PCDHGB7: variants seen among roughly 807,000 people sequenced by gnomAD.
The protein encoded by PCDHGB7 is protocadherin gamma-B7.
In PCDHGB7, 37 loss-of-function variants were observed where a neutral mutation model predicts 61.4. That is an observed-to-expected ratio of 0.60 (90% confidence interval 0.46 to 0.79). PCDHGB7 has a LOEUF of 0.79. PCDHGB7 is among the 30% of genes least tolerant of loss of function. The pLI is 0.00. For missense variants in PCDHGB7, 1,166 were observed against 1,202.5 expected (o/e 0.97, Z 0.45); for synonymous variants, 464 against 503.5 (o/e 0.92, Z 1.05).
chr5:141,437,116 GA>G (rs914218907), intron 1 of PCDHGB7, among the ~76,000 whole-genome samples: 4 of 152,150 alleles, frequency 2.6e-5, no homozygotes, highest in African/African-American at 9.7e-5. Flanking sequence ...GGATTTTTAG[GA>G]CACTTGTTGA....
At chr5:141,429,848 C>T (rs567448097) in intron 1 of PCDHGB7, among the ~76,000 whole-genome samples, 25 of 152,228 alleles carry the variant, frequency 1.6e-4, no homozygotes, top group African/African-American at 5.8e-4. Context: ...AAGTCTGTAA[C>T]ATTCTTTGGA....
intron 1 of PCDHGB7, chr5:141,427,891 G>A (rs767506033): frequency 1.3e-6 from 2 of 1,566,658 alleles, no homozygotes; most frequent in South Asian, 2.2e-5. Context: ...CACGACCAGG[G>A]CTCGCCCGCG....
At chr5:141,424,776 A>C (rs1406581367) in intron 1 of PCDHGB7, 2 of 152,154 alleles carry the variant, frequency 1.3e-5, no homozygotes, top group African/African-American at 4.8e-5. Context: ...CAAATAGTAC[A>C]TTCAGTTCTT....
chr5:141,423,782 C>T (rs1458189260), intron 1 of PCDHGB7: 9 of 1,243,226 alleles, frequency 7.2e-6, no homozygotes, highest in Non-Finnish European at 9.3e-6. Flanking sequence ...ATATTTAGTT[C>T]ATATATATTT....
chr5:141,456,835 C>T (rs1261094365), intron 1 of PCDHGB7, among the ~76,000 whole-genome samples: 3 of 152,000 alleles, frequency 2.0e-5, no homozygotes, highest in African/African-American at 4.8e-5. Flanking sequence ...TGGTAGTGGG[C>T]GCCTGTAATC....
Position 141,421,822 on chromosome 5 carries a change from G to A in PCDHGB7, c.2415+1548G>A, listed in dbSNP as rs2096603648. On this transcript the variant is annotated intron_variant, in intron 1 of 3. Transcript: ENST00000398594. ...CAAGAATCCAGAGCTAGTACTGGAG[G>A]GAAGCCTGGACCGAGAGAAAGAGGC... 3.7e-6 allele frequency: 6 copies of A among 1,613,690 alleles called. No homozygotes were observed. The East Asian group carries it at 1.1e-4, about 30-fold the overall frequency.
intron 2 of PCDHGB7, among the ~76,000 whole-genome samples, chr5:141,500,674 G>T (rs554174451): frequency 4.2e-4 from 64 of 152,122 alleles, no homozygotes; most frequent in Non-Finnish European, 6.6e-4. Flanking sequence ...CTGTCCAACA[G>T]AATTATAGCT....
At chr5:141,421,972 C>T (rs764728654) in intron 1 of PCDHGB7, 2 of 1,609,892 alleles carry the variant, frequency 1.2e-6, no homozygotes, top group African/African-American at 2.7e-5. Context: ...GTCCGTATAT[C>T]GCGTGAGTGT....
intron 1 of PCDHGB7, among the ~76,000 whole-genome samples, chr5:141,439,595 G>A (rs752771969): frequency 3.9e-5 from 6 of 152,192 alleles, no homozygotes; most frequent in Non-Finnish European, 5.9e-5. Flanking sequence ...CTGTTGGCCA[G>A]TCTGGAAACA....
At chr5:141,500,582 T>G (rs534297929) in intron 2 of PCDHGB7, among the ~76,000 whole-genome samples, 29 of 152,314 alleles carry the variant, frequency 1.9e-4, no homozygotes, top group African/African-American at 6.7e-4. Flanking sequence ...ATGTGACACT[T>G]TATTCACATA....
rs1029237740 is a variant in PCDHGB7, at chr5:141,500,358, A to G, written c.2475-5035A>G. ...AGAATAGCTGGGACTACAGGCGCCC[A>G]CTACCACGCCCGGCTAATTATTTTG... On this transcript the variant is annotated intron_variant, in intron 2 of 3. Coordinates refer to ENST00000398594, the MANE Select transcript of PCDHGB7 (RefSeq NM_018927.4). Among the ~76,000 whole-genome samples, 5 of 151,706 alleles carry G rather than the reference A, an allele frequency of 3.3e-5. No homozygotes were observed. In the South Asian group the frequency reaches 6.3e-4, roughly 19 times the overall value.
chr5:141,487,656 C>G lies in PCDHGB7; in HGVS notation c.2416-7151C>G. ...GCTCAACAAATGCTTGAGGGTTATT[C>G]TGATCCAGGCATATGGCTAGGCCAT... On this transcript the variant is annotated intron_variant, in intron 1 of 3. Coordinates refer to ENST00000398594, the MANE Select transcript of PCDHGB7 (RefSeq NM_018927.4). The surrounding 1 kb of genome is among the most constrained non-coding windows in gnomAD (Gnocchi z 5.0). 6.2e-7 allele frequency: 1 copy of G among 1,613,658 alleles called. No individual in the cohort carries two copies. Among genetic ancestry groups the G allele is most frequent in the Non-Finnish European group, 8.5e-7 (1 of 1,179,794 alleles).
intron 1 of PCDHGB7, chr5:141,427,083 C>T: frequency 2.2e-6 from 1 of 458,128 alleles, no homozygotes; most frequent in South Asian, 1.5e-5. Flanking sequence ...AGCCACTGAC[C>T]AGGATGAGGG....
intron 2 of PCDHGB7, among the ~76,000 whole-genome samples, chr5:141,498,956 A>G (rs547381859): frequency 2.4e-5 from 3 of 124,058 alleles, no homozygotes; most frequent in African/African-American, 6.3e-5. Context: ...AAAAAGAGAG[A>G]GAGGGAGGGA....
chr5:141,420,769 C>T (rs2096524721), intron 1 of PCDHGB7, among the ~76,000 whole-genome samples: 1 of 152,212 alleles, frequency 6.6e-6, no homozygotes, highest in Admixed American at 6.5e-5. Flanking sequence ...AAGTTTTCAG[C>T]TCCAGTAATA....
intron 1 of PCDHGB7, among the ~76,000 whole-genome samples, chr5:141,450,832 T>TTATTA (rs764784095): frequency 5.6e-5 from 8 of 142,316 alleles, no homozygotes; most frequent in African/African-American, 2.2e-4. Context: ...TATTATTATT[T>TTATTA]TTTTTTTTTT....
chr5:141,479,277 TC>T (rs2099491823), intron 1 of PCDHGB7: 1 of 152,362 alleles, frequency 6.6e-6, no homozygotes, highest in African/African-American at 2.4e-5. Flanking sequence ...ATAATTTATT[TC>T]AAAAATAAAT....
At chr5:141,500,728 T>C (rs556463739) in intron 2 of PCDHGB7, among the ~76,000 whole-genome samples, 1 of 152,310 alleles carries the variant, frequency 6.6e-6, no homozygotes, top group South Asian at 2.1e-4. Context: ...CCCATGTCTT[T>C]CAAAATTCTT....
intron 1 of PCDHGB7, chr5:141,421,470 A>T: frequency 2.5e-6 from 4 of 1,614,130 alleles, no homozygotes; most frequent in Non-Finnish European, 3.4e-6. Context: ...TGAATCCGCG[A>T]AGCGGCAGCT....
Sources: allele counts gnomAD v4.1 joint callset (sites outside exome capture counted in the v4.1 genomes callset), GRCh38; gene constraint gnomAD v4.1.1; non-coding constraint Gnocchi (gnomAD v3.1); transcripts MANE v1.5; gene names NCBI Gene and HGNC (gene_info 2026-07-23, HGNC 2026-07-21).